The following RBM17 variants were observed in gnomAD, a reference collection of about 807,000 sequenced individuals.
The protein encoded by RBM17 is splicing factor 45.
Under a neutral mutation model 53.2 loss-of-function variants are expected in RBM17, and 7 were observed. The observed-to-expected ratio is 0.13, with a 90% CI of 0.07 to 0.25. The LOEUF (loss-of-function observed/expected upper bound fraction) is 0.25. RBM17 is among the 10% of genes least tolerant of loss of function. The pLI is 1.00. For missense variants in RBM17, 257 were observed against 496.7 expected, an observed-to-expected ratio of 0.52 and a Z score of 4.59; for synonymous variants, 167 against 178.1, an observed-to-expected ratio of 0.94 and a Z score of 0.50.
intron 7 of RBM17, 139 bp downstream of exon 7, chr10:6,110,266 T>C: frequency 1.7e-6 from 1 of 583,418 alleles, no homozygotes; most frequent in Non-Finnish European, 2.7e-6. Context: ...CCTGCCTCAA[T>C]CGTGTGGAGC....
chr10:6,104,342 T>A (rs1840714564), intron 3 of RBM17, among the ~76,000 whole-genome samples: 1 of 152,156 alleles, frequency 6.6e-6, no homozygotes, highest in Non-Finnish European at 1.5e-5. Context: ...TTAAAAAAAA[T>A]TATGATGCTG....
chr10:6,103,514 T>C (rs1199643326), intron 3 of RBM17, among the ~76,000 whole-genome samples: 1 of 152,218 alleles, frequency 6.6e-6, no homozygotes, highest in Admixed American at 6.5e-5. Flanking sequence ...TCATTTTCTC[T>C]CTAAATAATA....
In RBM17 at chr10:6,115,754, C is replaced by T; in HGVS notation, c.*198C>T. ...TATAAAAATCCTTTTAAAAAAACAA[C>T]AATCTGTGTGCCTCTCTGGTTGTTT... On this transcript the variant is annotated 3_prime_UTR_variant, in exon 12 of 12. Transcript: ENST00000379888. 4.8e-6 allele frequency: 2 copies of T among 417,246 alleles called. No homozygotes were observed. Among genetic ancestry groups the T allele is most frequent in the Middle Eastern group, 6.2e-4 (1 of 1,612 alleles). The allele number at this position is 417,246 out of a possible 1,614,324, so 25.8% of individuals were successfully genotyped here.
At chr10:6,100,048 C>CA (rs974564017) in intron 2 of RBM17, among the ~76,000 whole-genome samples, 7 of 149,896 alleles carry the variant, frequency 4.7e-5, no homozygotes, top group East Asian at 1.9e-4. Context: ...GACTCCATCT[C>CA]AAAAAAAAAG....
intron 3 of RBM17, among the ~76,000 whole-genome samples, chr10:6,103,587 A>G (rs1840701661): frequency 6.6e-6 from 1 of 152,224 alleles, no homozygotes; most frequent in South Asian, 2.1e-4. Flanking sequence ...ATGAATACAA[A>G]TGTATAACTA....
chr10:6,103,116 T>C (rs1840693813), intron 3 of RBM17, among the ~76,000 whole-genome samples: 2 of 152,148 alleles, frequency 1.3e-5, no homozygotes, highest in South Asian at 2.1e-4. Context: ...TTTACAGAGA[T>C]GTTTCTATGT....
chr10:6,095,299 A>G (rs925399214), intron 1 of RBM17, among the ~76,000 whole-genome samples: 1 of 151,782 alleles, frequency 6.6e-6, no homozygotes, highest in African/African-American at 2.4e-5. Flanking sequence ...TGCAACATCC[A>G]TCTCCCGGGT....
At chr10:6,099,417 C>T (rs1840636634) in intron 2 of RBM17, among the ~76,000 whole-genome samples, 1 of 151,882 alleles carries the variant, frequency 6.6e-6, no homozygotes, top group Non-Finnish European at 1.5e-5. Flanking sequence ...TTTGTATCTC[C>T]ATTTGAAAAA....
In RBM17 at chr10:6,101,290, G is replaced by A; in HGVS notation, c.143G>A (p.Ser48Asn). The A allele has an allele frequency of 1.9e-6, 3 of 1,606,620 alleles. No homozygotes were observed. Among genetic ancestry groups the A allele is most frequent in the Non-Finnish European group, 2.5e-6 (3 of 1,178,072 alleles). Residue 48 changes from serine to asparagine, a missense_variant, in exon 3 of 12, where the codon AGT (serine) becomes AAT (asparagine). By Grantham distance (46) the Ser-to-Asn change is conservative. Around this residue, in one of 6 missense-constraint regions of RBM17, gnomAD observed 127 missense variants for 217.2 expected, o/e 0.58. Transcript: ENST00000379888. Reference sequence around the variant, plus strand: ...TTTTAGAGCCAAAGGACGAAACAAAGTACAGTCCTCGCCCCAGTCATTGAC... The same window carrying A: ...TTTTAGAGCCAAAGGACGAAACAAAATACAGTCCTCGCCCCAGTCATTGAC... The part of the protein sequence containing the change: ...TQAKSQRTKQ[S>N]TVLAPVIDLK...
chr10:6,093,466 G>A (rs1028885953), intron 1 of RBM17, among the ~76,000 whole-genome samples: 69 of 152,244 alleles, frequency 4.5e-4, no homozygotes, highest in African/African-American at 1.6e-3. Context: ...TGATCCGCCC[G>A]CCTCGGTCTC....
In RBM17 at chr10:6,116,842, G is replaced by T. The variant is rs752341223; in HGVS notation, c.*1286G>T. 6.6e-6 allele frequency: 1 copy of T among 152,194 alleles called. No homozygotes were observed. The allele number at this position is 152,194 out of a possible 1,614,324, so 9.4% of individuals were successfully genotyped here. A position where few individuals can be genotyped will look rare whatever the true frequency, so the allele number is the denominator to read the frequency against. The stretch of plus-strand genomic sequence containing the variant: ...AAAGAATAACATTTTATCTTTTGTG[G>T]TATTATTTTATTGAATAAAATTGAG... On this transcript the variant is annotated 3_prime_UTR_variant, in exon 12 of 12. Transcript: ENST00000379888.
At chr10:6,103,736 T>A (rs533744191) in intron 3 of RBM17, among the ~76,000 whole-genome samples, 1 of 152,316 alleles carries the variant, frequency 6.6e-6, no homozygotes, top group East Asian at 1.9e-4. Context: ...GTGAAGTGTT[T>A]GTTTTATAGT....
At chr10:6,098,120 A>G (rs1396445568) in intron 2 of RBM17, among the ~76,000 whole-genome samples, 1 of 152,134 alleles carries the variant, frequency 6.6e-6, no homozygotes. Context: ...AGGCATGAGA[A>G]TGGTATTATG....
chr10:6,106,011 T>G, intron 4 of RBM17, 130 bp from the exon 5 acceptor site: 1 of 636,784 alleles, frequency 1.6e-6, no homozygotes, highest in Non-Finnish European at 2.9e-6. Flanking sequence ...TCCTACCCCC[T>G]CTACCCCTGC....
chr10:6,107,835 C>T (rs1840776513), intron 5 of RBM17, among the ~76,000 whole-genome samples: 1 of 152,044 alleles, frequency 6.6e-6, no homozygotes, highest in African/African-American at 2.4e-5. Context: ...ACTTTGTAAT[C>T]AATTTTTAAA....
chr10:6,098,828 G>A (rs766257565), intron 2 of RBM17, among the ~76,000 whole-genome samples: 1 of 152,014 alleles, frequency 6.6e-6, no homozygotes, highest in South Asian at 2.1e-4. Flanking sequence ...GATTACAGGC[G>A]TGAGCCACCG....
intron 2 of RBM17, among the ~76,000 whole-genome samples, chr10:6,100,019 C>T (rs903818205): frequency 2.6e-4 from 40 of 152,168 alleles, no homozygotes; most frequent in African/African-American, 9.6e-4. Context: ...GATCGAACTC[C>T]AGCCTGGTGA....
rs376119691 is a variant in RBM17, at chr10:6,112,396, A to C, written c.856+35A>C. The C allele has an allele frequency of 1.1e-5, 18 of 1,612,252 alleles. No individual in the cohort carries two copies. Among genetic ancestry groups the C allele is most frequent in the Non-Finnish European group, 1.5e-5 (18 of 1,179,144 alleles). ...CAGGGAAGCGTGTGACTAGAGGGAA[A>C]GGACTGGCCCCATCCATATCAGACA... On this transcript the variant is annotated intron_variant, in intron 8 of 11. Transcript: ENST00000379888. This position sits in a 1 kb window ranked among gnomAD's most constrained non-coding sequence, Gnocchi z 4.4.
rs1360632305 is a variant in RBM17 at position 6,115,989 on chromosome 10, A to G, written c.*433A>G. The stretch of plus-strand genomic sequence containing the variant: ...GCAAGTTACTAAATTGTAGTTTCAT[A>G]AATTCTGTAGTAAAGTATCATCTTG... On this transcript the variant is annotated 3_prime_UTR_variant, in exon 12 of 12. Transcript: ENST00000379888. 1 of 152,970 alleles carries G rather than the reference A, an allele frequency of 6.5e-6. No individual in the cohort carries two copies. The highest frequency in any genetic ancestry group is 1.5e-5 in the Non-Finnish European group (1 of 68,550). The allele number at this position is 152,970 out of a possible 1,614,324, so 9.5% of individuals were successfully genotyped here. A position where few individuals can be genotyped will look rare whatever the true frequency, so the allele number is the denominator to read the frequency against.
Sources: gnomAD v4.1 joint callset for allele counts (sites outside exome capture counted in the v4.1 genomes callset) on GRCh38, gnomAD v4.1.1 for gene constraint, gnomAD v4.1.1 regional missense constraint, Gnocchi (gnomAD v3.1) non-coding constraint, MANE v1.5 for transcripts, NCBI Gene and HGNC (gene_info 2026-07-23, HGNC 2026-07-21) for gene names.